Variants in ARHGEF11 observed in about 807,000 individuals in gnomAD.
ARHGEF11 encodes the protein Rho guanine nucleotide exchange factor 11.
ARHGEF11 carries 55 observed loss-of-function variants against 193.7 expected under a neutral mutation model. The observed-to-expected ratio is 0.28, with a 90% CI of 0.23 to 0.36. The LOEUF (loss-of-function observed/expected upper bound fraction) is 0.36. Among genes scored for constraint, ARHGEF11 ranks in the 10% least tolerant of loss-of-function variants. ARHGEF11 has a pLI of 1.00. For missense variants in ARHGEF11, 1,723 were observed against 2,005.6 expected, an observed-to-expected ratio of 0.86 and a Z score of 2.69; for synonymous variants, 693 against 768.0, an observed-to-expected ratio of 0.90 and a Z score of 1.62.
intron 1 of ARHGEF11, among the ~76,000 whole-genome samples, chr1:157,007,681 C>G (rs1470311044): frequency 6.6e-6 from 1 of 152,154 alleles, no homozygotes; most frequent in East Asian, 1.9e-4. Context: ...AGTTTCCAAT[C>G]TGGCCACACA....
At chr1:156,945,307 C>T in intron 29 of ARHGEF11, 110 bp from the exon 30 acceptor site, 1 of 1,308,620 alleles carries the variant, frequency 7.6e-7, no homozygotes, top group Admixed American at 2.1e-5. Flanking sequence ...TTCAAACCAG[C>T]AGGCGTGGGT....
At chr1:156,946,624 G>A (rs374863114) in intron 28 of ARHGEF11, 38 bp downstream of exon 28, 3 of 1,613,450 alleles carry the variant, frequency 1.9e-6, no homozygotes, top group Non-Finnish European at 2.5e-6. Context: ...TGACCTTGAT[G>A]GAGATGAAGG....
intron 6 of ARHGEF11, among the ~76,000 whole-genome samples, chr1:156,977,434 A>G (rs1392838043): frequency 6.6e-6 from 1 of 151,732 alleles, no homozygotes; most frequent in Non-Finnish European, 1.5e-5. Flanking sequence ...TTTCTTTGAG[A>G]TGGGGTCTCA....
intron 3 of ARHGEF11, among the ~76,000 whole-genome samples, chr1:156,982,216 T>C (rs528756157): frequency 1.2e-4 from 19 of 152,186 alleles, no homozygotes; most frequent in Non-Finnish European, 2.5e-4. Context: ...AACTAAACTC[T>C]TCAGAGTTAA....
rs1673191840 is a variant in ARHGEF11 at position 157,045,167 on chromosome 1, T to C, written c.-837A>G. 6.6e-6 allele frequency: 1 copy of C among 152,192 alleles called. No homozygotes were observed. The highest frequency in any genetic ancestry group is 2.4e-5 in the African/African-American group (1 of 41,434). The allele number at this position is 152,192 out of a possible 1,614,324, so 9.4% of individuals were successfully genotyped here. A position where few individuals can be genotyped will look rare whatever the true frequency, so the allele number is the denominator to read the frequency against. ...GGTAGTAATGATAACAAACCAGAGATAATCTCTGAAAATATTCTCTCCTTT... is the reference window on the plus strand; with the variant it reads ...GGTAGTAATGATAACAAACCAGAGACAATCTCTGAAAATATTCTCTCCTTT... On this transcript the variant is annotated 5_prime_UTR_variant, in exon 1 of 41. Coordinates refer to ENST00000368194, the MANE Select transcript of ARHGEF11 (RefSeq NM_198236.3).
chr1:156,936,499 T>TAAAAA (rs1389872908), intron 40 of ARHGEF11, among the ~76,000 whole-genome samples: 1 of 74,906 alleles, frequency 1.3e-5, no homozygotes, highest in Admixed American at 1.3e-4. Flanking sequence ...AAAAAAAAAA[T>TAAAAA]ATATATATAT....
intron 35 of ARHGEF11, among the ~76,000 whole-genome samples, chr1:156,940,950 T>C (rs960433348): frequency 6.6e-6 from 1 of 152,170 alleles, no homozygotes; most frequent in African/African-American, 2.4e-5. Flanking sequence ...TGCTGTCCCC[T>C]CTACCAATCC....
rs1321624229 is a variant in ARHGEF11, at chr1:156,995,587, A to T, written c.33-9414T>A. Among the ~76,000 whole-genome samples the T allele has an allele frequency of 2.1e-5, 3 of 144,050 alleles. No homozygotes were observed. In the Admixed American group the frequency reaches 2.1e-4, roughly 10 times the overall value. 94.5% of individuals were successfully genotyped at this position (144,050 alleles called of 152,430 possible). ...TTTTTTTTTTTTGAGACAGGGTCTC[A>T]CTCTGTTGCCCAGGCTGGAGTGCAG... On this transcript the variant is annotated intron_variant, in intron 1 of 40. Coordinates refer to ENST00000368194, the MANE Select transcript of ARHGEF11 (RefSeq NM_198236.3).
At chr1:157,009,525 T>C (rs543332423) in intron 1 of ARHGEF11, among the ~76,000 whole-genome samples, 5 of 152,290 alleles carry the variant, frequency 3.3e-5, no homozygotes, top group East Asian at 1.9e-4. Flanking sequence ...GTAATAAACA[T>C]AGTCATCAGA....
At chr1:157,033,076 G>A (rs1338096607) in intron 1 of ARHGEF11, among the ~76,000 whole-genome samples, 1 of 152,060 alleles carries the variant, frequency 6.6e-6, no homozygotes, top group African/African-American at 2.4e-5. Context: ...TCTAGGTGTT[G>A]ATGACCTGCT....
At chr1:156,968,827 A>G (rs2102277554) in intron 10 of ARHGEF11, among the ~76,000 whole-genome samples, 1 of 152,372 alleles carries the variant, frequency 6.6e-6, no homozygotes, top group Non-Finnish European at 1.5e-5. Context: ...TAGTCATTCC[A>G]GAAAAGACAA....
rs1445258541 is a variant in ARHGEF11, at chr1:156,936,181, C to T, written c.4631-123G>A. 2.9e-6 allele frequency: 3 copies of T among 1,045,614 alleles called. No homozygotes were observed. The African/African-American group carries it at 4.7e-5, about 16-fold the overall frequency. The allele number at this position is 1,045,614 out of a possible 1,614,324, so 64.8% of individuals were successfully genotyped here. Reference sequence around the variant, plus strand: ...CATCACCTTCCTTCTCCTCCAGAAACCCCAGTTTCTCGTAGGGCTTGAAAA... The same window carrying T: ...CATCACCTTCCTTCTCCTCCAGAAATCCCAGTTTCTCGTAGGGCTTGAAAA... On this transcript the variant is annotated intron_variant, in intron 40 of 40. Transcript: ENST00000368194.
chr1:157,046,422 G>T (rs554043620), upstream of ARHGEF11, among the ~76,000 whole-genome samples: 7 of 142,662 alleles, frequency 4.9e-5, no homozygotes, highest in East Asian at 1.4e-3. Flanking sequence ...GCATTACCCC[G>T]GCGCCCGCAG....
chr1:156,975,859 A>T (rs930917499), intron 7 of ARHGEF11, among the ~76,000 whole-genome samples: 3 of 152,192 alleles, frequency 2.0e-5, no homozygotes, highest in African/African-American at 7.2e-5. Context: ...CCTTTGTTGA[A>T]AATCAATTGA....
At chr1:157,016,056 G>A (rs897592148) in intron 1 of ARHGEF11, among the ~76,000 whole-genome samples, 3 of 152,078 alleles carry the variant, frequency 2.0e-5, no homozygotes, top group Admixed American at 2.0e-4. Flanking sequence ...CAAAAGAACA[G>A]TAGGAAAAAC....
intron 1 of ARHGEF11, among the ~76,000 whole-genome samples, chr1:157,035,889 A>ATATGTATATATT: frequency 2.0e-5 from 1 of 50,126 alleles, no homozygotes; most frequent in Non-Finnish European, 4.2e-5. Context: ...AGGAATATAT[A>ATATGTATATATT]TAGGAATATA....
chr1:156,935,871 TG>T lies in ARHGEF11; in HGVS notation c.*128del. ...TGCGGGTCTCCCCCCGGGCCTTGGC[TG>T]GATCCTAGTTTCCCTAACTGCCTCC... On this transcript the variant is annotated 3_prime_UTR_variant, in exon 41 of 41. Coordinates refer to ENST00000368194, the MANE Select transcript of ARHGEF11 (RefSeq NM_198236.3). 8.9e-7 allele frequency: 1 copy of T among 1,117,420 alleles called. No individual in the cohort carries two copies. The highest frequency in any genetic ancestry group is 1.6e-5 in the South Asian group (1 of 60,998). The allele number at this position is 1,117,420 out of a possible 1,614,324, so 69.2% of individuals were successfully genotyped here.
At position 156,958,700 on chromosome 1, in the gene ARHGEF11, C is replaced by T. The variant is rs116819365; in HGVS notation, c.1502+42G>A. Reference sequence around the variant, plus strand: ...CAGACCCACAAAATATGTCAACCTGCTTAGGATGTTCAGTGGGGTGGGAGG... The same window carrying T: ...CAGACCCACAAAATATGTCAACCTGTTTAGGATGTTCAGTGGGGTGGGAGG... On this transcript the variant is annotated intron_variant, in intron 17 of 40. Coordinates refer to ENST00000368194, the MANE Select transcript of ARHGEF11 (RefSeq NM_198236.3). The T allele has an allele frequency of 3.9e-3, 6,348 of 1,613,118 alleles. 231 individuals are homozygous for T. The African/African-American group carries it at 0.074, about 19-fold the overall frequency.
intron 1 of ARHGEF11, among the ~76,000 whole-genome samples, chr1:157,003,737 G>A (rs935349528): frequency 2.0e-5 from 3 of 152,154 alleles, no homozygotes; most frequent in Admixed American, 6.5e-5. Flanking sequence ...CTATTTATAC[G>A]TCTGCTGGCC....
Sources: gnomAD v4.1 joint callset for allele counts (sites outside exome capture counted in the v4.1 genomes callset) on GRCh38, gnomAD v4.1.1 for gene constraint, MANE v1.5 for transcripts, NCBI Gene and HGNC (gene_info 2026-07-23, HGNC 2026-07-21) for gene names.